RABGAP1: variants seen among roughly 807,000 people sequenced by gnomAD.
RABGAP1 encodes rab GTPase-activating protein 1.
Under a neutral mutation model 137.6 loss-of-function variants are expected in RABGAP1, and 23 were observed. That is an observed-to-expected ratio of 0.17 (90% CI 0.12 to 0.24). The LOEUF (loss-of-function observed/expected upper bound fraction) is 0.24. RABGAP1 is among the 10% of genes least tolerant of loss of function. The probability of loss-of-function intolerance (pLI) is 1.00; values close to 1 mark genes in which losing one functional copy is unlikely to be tolerated. For synonymous variants in RABGAP1, 451 were observed against 450.7 expected, an observed-to-expected ratio of 1.00 and a Z score of -0.01; for missense variants, 906 against 1,275.8, an observed-to-expected ratio of 0.71 and a Z score of 4.42.
chr9:122,949,221 C>CAA (rs1424506820), intron 1 of RABGAP1, among the ~76,000 whole-genome samples: 1 of 151,572 alleles, frequency 6.6e-6, no homozygotes, highest in African/African-American at 2.4e-5. Flanking sequence ...ACTAAAAATA[C>CAA]AAAAATTACG....
the RABGAP1 span, among the ~76,000 whole-genome samples, chr9:122,935,708 A>C: frequency 2.6e-5 from 4 of 152,196 alleles, no homozygotes; most frequent in Non-Finnish European, 5.9e-5. Flanking sequence ...TACAAATCAT[A>C]ATTATAATAA....
intron 10 of RABGAP1, among the ~76,000 whole-genome samples, chr9:123,001,307 G>C (rs941677540): frequency 6.6e-6 from 1 of 152,176 alleles, no homozygotes; most frequent in Non-Finnish European, 1.5e-5. Flanking sequence ...CTGGAACATA[G>C]TAGTTCTCAA....
At chr9:123,086,338 TCAG>T (rs1413176770) in intron 19 of RABGAP1, among the ~76,000 whole-genome samples, 1 of 152,178 alleles carries the variant, frequency 6.6e-6, no homozygotes, top group Non-Finnish European at 1.5e-5. Context: ...TCTCAGTAAT[TCAG>T]CAAGCATTTC....
At chr9:122,960,374 A>C (rs1373569369) in intron 2 of RABGAP1, among the ~76,000 whole-genome samples, 1 of 152,232 alleles carries the variant, frequency 6.6e-6, no homozygotes, top group Non-Finnish European at 1.5e-5. Flanking sequence ...AGAGAAACCA[A>C]GAATCAGCGA....
intron 13 of RABGAP1, chr9:123,033,591 C>T (rs999382142): frequency 6.6e-6 from 1 of 152,148 alleles, no homozygotes; most frequent in Non-Finnish European, 1.5e-5. Flanking sequence ...CCCAAGCCCC[C>T]TCTTCTCCCT....
At chr9:122,989,681 G>GAGATCT in intron 5 of RABGAP1, 1 of 594,374 alleles carries the variant, frequency 1.7e-6, no homozygotes, top group Non-Finnish European at 2.9e-6. Context: ...AATGTCAGAG[G>GAGATCT]AGATCTGTTG....
At chr9:123,005,092 C>G (rs1256312998) in intron 10 of RABGAP1, among the ~76,000 whole-genome samples, 1 of 148,746 alleles carries the variant, frequency 6.7e-6, no homozygotes, top group Non-Finnish European at 1.5e-5. Flanking sequence ...AAAAGTCTTG[C>G]AGTTAATAAT....
rs1422683146 is a variant in RABGAP1 at position 123,070,067 on chromosome 9, T to C, written c.1909-283T>C. Among the ~76,000 whole-genome samples, 1 of 152,158 alleles carries C rather than the reference T, an allele frequency of 6.6e-6. No homozygotes were observed. The highest frequency in any genetic ancestry group is 1.5e-5 in the Non-Finnish European group (1 of 68,022). On this transcript the variant is annotated intron_variant, in intron 14 of 25. Transcript: ENST00000373647. The surrounding 1 kb of genome is among the most constrained non-coding windows in gnomAD (Gnocchi z 4.4). ...GACATCCCAAGGAGAGGGAACATCATGAACAACAACAAGGAAATACGAAGT... is the reference window on the plus strand; with the variant it reads ...GACATCCCAAGGAGAGGGAACATCACGAACAACAACAAGGAAATACGAAGT...
intron 10 of RABGAP1, among the ~76,000 whole-genome samples, chr9:122,999,713 A>AT (rs1564391800): frequency 4.0e-5 from 6 of 150,972 alleles, no homozygotes; most frequent in African/African-American, 1.5e-4. Context: ...TTAATTTTTA[A>AT]ATTTTTTTTT....
At chr9:123,027,651 C>T (rs1177821689) in intron 13 of RABGAP1, among the ~76,000 whole-genome samples, 1 of 152,140 alleles carries the variant, frequency 6.6e-6, no homozygotes, top group Non-Finnish European at 1.5e-5. Context: ...AGAATGTTGG[C>T]CATGGAGGAG....
chr9:122,981,101 G>A (rs1286405251), intron 2 of RABGAP1, among the ~76,000 whole-genome samples: 1 of 151,904 alleles, frequency 6.6e-6, no homozygotes, highest in African/African-American at 2.4e-5. Flanking sequence ...GCAGTGGCGC[G>A]ATCTTGGCTC....
chr9:123,034,447 AG>A (rs2131990612), intron 13 of RABGAP1: 1 of 678,250 alleles, frequency 1.5e-6, no homozygotes, highest in Non-Finnish European at 2.6e-6. Flanking sequence ...TTGGGGAGTA[AG>A]GCTCCTCTGG....
chr9:122,980,447 A>G (rs1170313066), intron 2 of RABGAP1, among the ~76,000 whole-genome samples: 1 of 152,176 alleles, frequency 6.6e-6, no homozygotes, highest in Non-Finnish European at 1.5e-5. Flanking sequence ...ACTTCATTGT[A>G]ATAGTACATC....
intron 21 of RABGAP1, among the ~76,000 whole-genome samples, chr9:123,096,854 G>A (rs1370785931): frequency 6.6e-6 from 1 of 152,224 alleles, no homozygotes; most frequent in East Asian, 1.9e-4. Flanking sequence ...ACAGGCGTGA[G>A]CCACCGCACC....
intron 1 of RABGAP1, among the ~76,000 whole-genome samples, chr9:122,951,456 A>G (rs541574628): frequency 6.6e-6 from 1 of 152,256 alleles, no homozygotes; most frequent in East Asian, 1.9e-4. Context: ...GTAAACACTG[A>G]TTGTTCAAGA....
At chr9:122,984,066 C>T (rs1247682146) in intron 2 of RABGAP1, among the ~76,000 whole-genome samples, 1 of 152,152 alleles carries the variant, frequency 6.6e-6, no homozygotes, top group East Asian at 1.9e-4. Flanking sequence ...ATGTATGTTT[C>T]TGTTGATACC....
At chr9:122,941,666 A>G (rs1833575894) in intron 1 of RABGAP1, among the ~76,000 whole-genome samples, 1 of 152,196 alleles carries the variant, frequency 6.6e-6, no homozygotes, top group African/African-American at 2.4e-5. Flanking sequence ...TTGGCATCCC[A>G]GTCTTCTCAT....
chr9:122,964,837 A>T (rs576533243), intron 2 of RABGAP1, among the ~76,000 whole-genome samples: 96 of 152,096 alleles, frequency 6.3e-4, no homozygotes, highest in Middle Eastern at 3.4e-3. Context: ...CAAGAAAAAA[A>T]TTTTTTTTAA....
chr9:123,083,124 T>C (rs2034765122), intron 19 of RABGAP1, among the ~76,000 whole-genome samples: 1 of 152,200 alleles, frequency 6.6e-6, no homozygotes, highest in South Asian at 2.1e-4. Flanking sequence ...GATATAAAGT[T>C]AGTAACTAAT....
Sources: gnomAD v4.1 joint callset for allele counts (sites outside exome capture counted in the v4.1 genomes callset) on GRCh38, gnomAD v4.1.1 for gene constraint, Gnocchi (gnomAD v3.1) non-coding constraint, MANE v1.5 for transcripts, NCBI Gene and HGNC (gene_info 2026-07-23, HGNC 2026-07-21) for gene names.